The following ZNF641 variants were observed in gnomAD, a reference collection of about 807,000 sequenced individuals.
ZNF641 encodes zinc finger protein 641.
A neutral mutation model predicts 46.2 loss-of-function variants in ZNF641; 26 were observed. That is an observed-to-expected ratio of 0.56 (90% CI 0.41 to 0.78). ZNF641 has a LOEUF of 0.78. Ranked by LOEUF, ZNF641 falls within the 30% of genes least tolerant of loss-of-function variation. The pLI, the probability that ZNF641 is intolerant of heterozygous loss-of-function variation, is 0.00. For synonymous variants in ZNF641, 163 were observed against 187.9 expected, an observed-to-expected ratio of 0.87 and a Z score of 1.09; for missense variants, 469 against 517.8, an observed-to-expected ratio of 0.91 and a Z score of 0.91.
At chr12:48,337,063 A>G (rs1200715044), downstream of ZNF641, 8 of 152,260 alleles carry the variant, frequency 5.3e-5, no homozygotes, top group Non-Finnish European at 1.2e-4. Context: ...CAGTGAGACG[A>G]GTTCGTTCTC....
intron 1 of ZNF641, among the ~76,000 whole-genome samples, chr12:48,349,371 T>C (rs886699039): frequency 1.3e-5 from 2 of 152,232 alleles, no homozygotes; most frequent in African/African-American, 4.8e-5. Flanking sequence ...ATTTTGGGTA[T>C]TCTTATTCAA....
At chr12:48,349,787 C>G (rs1174179785) in intron 1 of ZNF641, among the ~76,000 whole-genome samples, 1 of 152,226 alleles carries the variant, frequency 6.6e-6, no homozygotes, top group African/African-American at 2.4e-5. Context: ...TTTTAACACA[C>G]AGGGCACTAA....
At position 48,343,057 on chromosome 12, in the gene ZNF641, T is replaced by C; in HGVS notation, c.1191A>G (p.Arg397=). 6.2e-7 allele frequency: 1 copy of C among 1,614,274 alleles called. No homozygotes were observed. The highest frequency in any genetic ancestry group is 8.5e-7 in the Non-Finnish European group (1 of 1,180,042). Residue 397 remains arginine, a synonymous_variant, in exon 6 of 6, where the codon CGA becomes CGG. Coordinates refer to ENST00000547026, the MANE Select transcript of ZNF641 (RefSeq NM_001172681.2). ...GCAGGTGCCTGTCCAGGTGATGTTT[T>C]CGGCCAAAGCTCTTCTCACAGCGAG... The part of the protein sequence containing the change: ...QCPRCEKSFG[R]KHHLDRHLLT...
intron 1 of ZNF641, among the ~76,000 whole-genome samples, chr12:48,349,658 T>G (rs1479806900): frequency 1.3e-5 from 2 of 152,208 alleles, no homozygotes; most frequent in Non-Finnish European, 2.9e-5. Flanking sequence ...CTGGACTGAT[T>G]CCCAGCCTAG....
rs1952777232 is a variant in ZNF641, at chr12:48,343,519, C to T, written c.729G>A (p.Met243Ile). 1 of 1,612,434 alleles carries T rather than the reference C, an allele frequency of 6.2e-7. No individual in the cohort carries two copies. The highest frequency in any genetic ancestry group is 2.2e-5 in the East Asian group (1 of 44,820). Residue 243 changes from methionine to isoleucine, a missense_variant, in exon 6 of 6, where the codon ATG (methionine) becomes ATA (isoleucine). Around this residue, in one of 3 missense-constraint regions of ZNF641, gnomAD observed 346 missense variants for 354.0 expected, o/e 0.98. Transcript: ENST00000547026. The stretch of plus-strand genomic sequence containing the variant: ...ATGTGTGGGGTCTTAACAGGGAATC[C>T]ATCTCTGTGCTACACAGCAGGTTTG... ...SFSNLLCSTE[M>I]DSLLRPHTCP... is the part of the protein sequence containing the mutation.
rs973650139 is a variant in ZNF641, at chr12:48,340,892, G to T, written c.*2081C>A. 3.5e-5 allele frequency: 34 copies of T among 985,292 alleles called. No homozygotes were observed. Among genetic ancestry groups the T allele is most frequent in the African/African-American group, 5.2e-5 (3 of 57,204 alleles). 61.0% of individuals were successfully genotyped at this position (985,292 alleles called of 1,614,324 possible). A position where few individuals can be genotyped will look rare whatever the true frequency, so the allele number is the denominator to read the frequency against. Reference sequence around the variant, plus strand: ...ACTCCCTGGGGCATCTCCTAATACTGATCCTAAAATGCTCCTGTTTCTGAG... The same window carrying T: ...ACTCCCTGGGGCATCTCCTAATACTTATCCTAAAATGCTCCTGTTTCTGAG... On this transcript the variant is annotated 3_prime_UTR_variant, in exon 6 of 6. Coordinates refer to ENST00000547026, the MANE Select transcript of ZNF641 (RefSeq NM_001172681.2).
downstream of ZNF641, among the ~76,000 whole-genome samples, chr12:48,335,456 T>C (rs1407398403): frequency 6.6e-6 from 1 of 152,220 alleles, no homozygotes; most frequent in African/African-American, 2.4e-5. Flanking sequence ...TTATATTTGT[T>C]TTATGATGGT....
chr12:48,344,974 G>T (rs1032372444), intron 4 of ZNF641, among the ~76,000 whole-genome samples: 1 of 151,742 alleles, frequency 6.6e-6, no homozygotes, highest in African/African-American at 2.4e-5. Context: ...CTTTCTGGGC[G>T]TAACTTCACT....
At position 48,341,856 on chromosome 12, in the gene ZNF641, T is replaced by C. The variant is rs1432158297; in HGVS notation, c.*1117A>G. 2 of 985,344 alleles carry C rather than the reference T, an allele frequency of 2.0e-6. No homozygotes were observed. Among genetic ancestry groups the C allele is most frequent in the Non-Finnish European group, 2.4e-6 (2 of 829,946 alleles). 61.0% of individuals were successfully genotyped at this position (985,344 alleles called of 1,614,324 possible). ...ACAATTGTCTTAATCTCAGCAGTAC[T>C]GGGAAAGCTTTGTACTCAACTTAAC... On this transcript the variant is annotated 3_prime_UTR_variant, in exon 6 of 6. Coordinates refer to ENST00000547026, the MANE Select transcript of ZNF641 (RefSeq NM_001172681.2).
rs1233826026 is a variant in ZNF641 at position 48,343,716 on chromosome 12, C to G, written c.532G>C (p.Glu178Gln). ...AGTTCAGGGGTATCCCCCTCATGTTCACTTCCATCTCCTGCGGAGAAGGGG... is the reference window on the plus strand; with the variant it reads ...AGTTCAGGGGTATCCCCCTCATGTTGACTTCCATCTCCTGCGGAGAAGGGG... ...LRVTYTGDGS[E>Q]HEGDTPELEA... The change falls in exon 6 of 6, where the codon GAA (glutamate) becomes CAA (glutamine). Residue 178 changes from glutamate to glutamine, a missense_variant. Physicochemically the swap from Glu to Gln is conservative, Grantham distance 29 (BLOSUM62 2). This residue lies in a region of ZNF641 where 346 missense variants were observed against 354.0 expected (regional missense o/e 0.98). Coordinates refer to ENST00000547026, the MANE Select transcript of ZNF641 (RefSeq NM_001172681.2). 1 of 1,489,624 alleles carries G rather than the reference C, an allele frequency of 6.7e-7. No homozygotes were observed. The highest frequency in any genetic ancestry group is 8.9e-7 in the Non-Finnish European group (1 of 1,118,106). The allele number at this position is 1,489,624 out of a possible 1,614,324, so 92.3% of individuals were successfully genotyped here.
rs773310796 is a variant in ZNF641 at position 48,350,112 on chromosome 12, C to T, written c.-26+674G>A. The stretch of plus-strand genomic sequence containing the variant: ...AGCACCTGGGCGGTTAAGGTGGTAG[C>T]CCTAACCTCGTTTCTCCTGGTTCCA... On this transcript the variant is annotated intron_variant, in intron 1 of 5. Coordinates refer to ENST00000547026, the MANE Select transcript of ZNF641 (RefSeq NM_001172681.2). 5.6e-6 allele frequency: 9 copies of T among 1,613,894 alleles called. No individual in the cohort carries two copies. The South Asian group carries it at 9.9e-5, about 18-fold the overall frequency.
At chr12:48,344,872 T>C in intron 4 of ZNF641, 160 bp from the exon 5 acceptor site, 2 of 575,610 alleles carry the variant, frequency 3.5e-6, no homozygotes, top group South Asian at 4.2e-5. Context: ...CCCCCACCCA[T>C]TTCTGTTAAG....
At chr12:48,350,938 G>A (rs1953019384), upstream of ZNF641, 3 of 853,410 alleles carry the variant, frequency 3.5e-6, no homozygotes, top group South Asian at 5.3e-5. Flanking sequence ...GGCGGGGCGG[G>A]CACAGGAAAT....
Position 48,350,774 on chromosome 12 carries a change from G to A in ZNF641, c.-26+12C>T. ...CTCCAGCCGCAGCTCCCTCCGGCCC[G>A]GCTCCACTCACCCCCGGTAGGCTTG... On this transcript the variant is annotated intron_variant, in intron 1 of 5. Coordinates refer to ENST00000547026, the MANE Select transcript of ZNF641 (RefSeq NM_001172681.2). 1 of 971,766 alleles carries A rather than the reference G, an allele frequency of 1.0e-6. No individual in the cohort carries two copies. Among genetic ancestry groups the A allele is most frequent in the Non-Finnish European group, 1.2e-6 (1 of 817,462 alleles). 60.2% of individuals were successfully genotyped at this position (971,766 alleles called of 1,614,324 possible). A position where few individuals can be genotyped will look rare whatever the true frequency, so the allele number is the denominator to read the frequency against.
chr12:48,341,077 C>G lies in ZNF641; in HGVS notation c.*1896G>C. Reference sequence around the variant, plus strand: ...CCAAGCTGTTCAAGTCACATAAACTCTAAGAAGCCCAGTCAGCAAAATAAG... The same window carrying G: ...CCAAGCTGTTCAAGTCACATAAACTGTAAGAAGCCCAGTCAGCAAAATAAG... On this transcript the variant is annotated 3_prime_UTR_variant, in exon 6 of 6. Transcript: ENST00000547026. 1 of 985,452 alleles carries G rather than the reference C, an allele frequency of 1.0e-6. No individual in the cohort carries two copies. Among genetic ancestry groups the G allele is most frequent in the Non-Finnish European group, 1.2e-6 (1 of 829,938 alleles). The allele number at this position is 985,452 out of a possible 1,614,324, so 61.0% of individuals were successfully genotyped here. A position where few individuals can be genotyped will look rare whatever the true frequency, so the allele number is the denominator to read the frequency against.
intron 2 of ZNF641, 30 bp downstream of exon 2, chr12:48,347,877 G>C (rs758585063): frequency 6.2e-7 from 1 of 1,605,284 alleles, no homozygotes; most frequent in East Asian, 2.2e-5. Context: ...ACTATGCACT[G>C]TGCTTCCCAC....
At position 48,337,246 on chromosome 12, in the gene ZNF641, G is replaced by A. The variant is rs1328297727; in HGVS notation, c.*5727C>T. ...TAAGTCCCCTGTTGGGTAACCCAAG[G>A]AAGTTCACAGTTCATCAGAAGGAAC... On this transcript the variant is annotated 3_prime_UTR_variant, in exon 6 of 6. Coordinates refer to ENST00000547026, the MANE Select transcript of ZNF641 (RefSeq NM_001172681.2). 4 of 152,188 alleles carry A rather than the reference G, an allele frequency of 2.6e-5. No homozygotes were observed. The highest frequency in any genetic ancestry group is 9.7e-5 in the African/African-American group (4 of 41,422). 9.4% of individuals were successfully genotyped at this position (152,188 alleles called of 1,614,324 possible).
rs1191701603 is a variant in ZNF641, at chr12:48,343,653, C to T, written c.595G>A (p.Glu199Lys). The T allele has an allele frequency of 1.3e-6, 2 of 1,574,296 alleles. No homozygotes were observed. The highest frequency in any genetic ancestry group is 1.7e-6 in the Non-Finnish European group (2 of 1,160,908). ...TCCGGGTTCCAGAGAACAGTATCTT[C>T]AGACACGCTGGATAACATTCTGGGA... ...EPPRMLSSVS[E>K]DTVLWNPEHD... The change falls in exon 6 of 6, where the codon GAA becomes AAA. Residue 199 changes from glutamate (E) to lysine (K), a missense_variant. By Grantham distance (56) the Glu-to-Lys change is moderately conservative (BLOSUM62 1). Transcript: ENST00000547026.
intron 4 of ZNF641, 43 bp from the exon 5 acceptor site, chr12:48,344,755 A>G: frequency 8.6e-7 from 1 of 1,159,394 alleles, no homozygotes; most frequent in South Asian, 1.3e-5. Context: ...TTAGTTCAAC[A>G]GCAATTCTAT....
Sources: gnomAD v4.1 joint callset for allele counts (sites outside exome capture counted in the v4.1 genomes callset) on GRCh38, gnomAD v4.1.1 for gene constraint, gnomAD v4.1.1 regional missense constraint, MANE v1.5 for transcripts, NCBI Gene and HGNC (gene_info 2026-07-23, HGNC 2026-07-21) for gene names.